Variants in USP13 observed in about 807,000 individuals in gnomAD.
The protein encoded by USP13 is ubiquitin specific peptidase 13.
In USP13, 68 loss-of-function variants were observed where a neutral mutation model predicts 107.8. The ratio of observed to expected loss-of-function variants is 0.63; its 90% confidence interval spans 0.52 to 0.77. USP13 has a LOEUF of 0.77. Among genes scored for constraint, USP13 ranks in the 30% least tolerant of loss-of-function variants. The pLI, the probability that USP13 is intolerant of heterozygous loss-of-function variation, is 0.00. For missense variants in USP13, 945 were observed against 1,093.3 expected (o/e 0.86, Z 1.91); for synonymous variants, 377 against 389.5 (o/e 0.97, Z 0.38).
chr3:179,681,865 C>G lies in USP13; in HGVS notation c.169-13C>G. On this transcript the variant is annotated splice_polypyrimidine_tract_variant and intron_variant, in intron 1 of 20. Transcript: ENST00000263966. Reference sequence around the variant, plus strand: ...GGTGTCGTCGGCTAATGTACTTTTTCTCTTTCTTCTAGAATTCTGAAGGTG... The same window carrying G: ...GGTGTCGTCGGCTAATGTACTTTTTGTCTTTCTTCTAGAATTCTGAAGGTG... 1 of 1,608,134 alleles carries G rather than the reference C, an allele frequency of 6.2e-7. No individual in the cohort carries two copies. Among genetic ancestry groups the G allele is most frequent in the Non-Finnish European group, 8.5e-7 (1 of 1,176,772 alleles).
chr3:179,707,607 C>A (rs1712770672), intron 5 of USP13, among the ~76,000 whole-genome samples: 1 of 152,312 alleles, frequency 6.6e-6, no homozygotes, highest in East Asian at 1.9e-4. Flanking sequence ...CCTGGGATCA[C>A]CTCCCGGACA....
intron 1 of USP13, among the ~76,000 whole-genome samples, chr3:179,655,016 G>C (rs1436422550): frequency 6.6e-6 from 1 of 151,902 alleles, no homozygotes; most frequent in Non-Finnish European, 1.5e-5. Flanking sequence ...TAAATTATTT[G>C]AAAATGCCAT....
At chr3:179,739,596 C>T (rs13080151) in intron 10 of USP13, among the ~76,000 whole-genome samples, 53,116 of 151,928 alleles carry the variant, frequency 0.35, 11,302 homozygotes, top group Non-Finnish European at 0.46. Context: ...TTGCTCTTGT[C>T]GCCCAGGCTG....
intron 8 of USP13, among the ~76,000 whole-genome samples, chr3:179,727,841 A>G (rs1576957065): frequency 3.4e-5 from 3 of 87,480 alleles, no homozygotes; most frequent in African/African-American, 1.2e-4. Context: ...CTGGCCGGGC[A>G]GAGGGGCTCC....
intron 1 of USP13, among the ~76,000 whole-genome samples, chr3:179,655,562 G>T (rs116449971): frequency 0.57 from 70,112 of 122,118 alleles, 19,076 homozygotes; most frequent in Middle Eastern, 0.66. Flanking sequence ...TTTTTGTTTT[G>T]TTTTGTTTTT....
chr3:179,734,377 A>G (rs895733448), intron 10 of USP13, among the ~76,000 whole-genome samples: 2 of 152,240 alleles, frequency 1.3e-5, no homozygotes, highest in African/African-American at 4.8e-5. Context: ...CAAATGTTTT[A>G]AAGCTGAACA....
intron 4 of USP13, among the ~76,000 whole-genome samples, chr3:179,706,457 G>A (rs1560055859): frequency 6.6e-6 from 1 of 152,214 alleles, no homozygotes; most frequent in Non-Finnish European, 1.5e-5. Context: ...ACCAGATTAA[G>A]AAATGGAGCC....
In USP13 at chr3:179,697,129, T is replaced by C. The variant is rs541059786; in HGVS notation, c.356-3879T>C. On this transcript the variant is annotated intron_variant, in intron 3 of 20. Coordinates refer to ENST00000263966, the MANE Select transcript of USP13 (RefSeq NM_003940.3). ...ACCTCAGAAAACTTAAATTCCACTT[T>C]TTTTTGGCTTAGACCAGGTGTTTAA... Among the ~76,000 whole-genome samples, 50 of 152,286 alleles carry C rather than the reference T, an allele frequency of 3.3e-4. 1 individual carries two copies. Among genetic ancestry groups the C allele is most frequent in the East Asian group, 2.3e-3 (12 of 5,186 alleles).
At chr3:179,732,603 A>G (rs1419540712) in intron 10 of USP13, among the ~76,000 whole-genome samples, 1 of 152,148 alleles carries the variant, frequency 6.6e-6, no homozygotes, top group Non-Finnish European at 1.5e-5. Context: ...TTTCTAATGT[A>G]AATAAAATCA....
At chr3:179,744,987 T>C in intron 12 of USP13, 56 bp from the exon 13 acceptor site, 1 of 1,600,534 alleles carries the variant, frequency 6.2e-7, no homozygotes, top group East Asian at 2.2e-5. Flanking sequence ...GAGGGTGCTT[T>C]TCATTTCCAC....
intron 15 of USP13, 80 bp from the exon 16 acceptor site, chr3:179,756,972 C>G (rs775541109): frequency 1.1e-5 from 16 of 1,517,826 alleles, no homozygotes; most frequent in Non-Finnish European, 1.5e-5. Flanking sequence ...TGGAAATGCC[C>G]TGGATCAATG....
rs1222229834 is a variant in USP13, at chr3:179,761,123, G to A, written c.1960G>A (p.Asp654Asn). ...GTTGTGCTCTGTAGCATCAGACATC[G>A]ATGAGTCATCAGTGATGCAGCTGGC... The part of the protein sequence containing the change: ...MNQLIDPSDI[D>N]ESSVMQLAEM... The change falls in exon 17 of 21, where the codon GAT becomes AAT. Residue 654 changes from aspartate (D) to asparagine (N), a missense_variant. Asp to Asn is a conservative substitution (Grantham distance 23). Coordinates refer to ENST00000263966, the MANE Select transcript of USP13 (RefSeq NM_003940.3). The A allele has an allele frequency of 1.9e-5, 30 of 1,614,134 alleles. No homozygotes were observed. Among genetic ancestry groups the A allele is most frequent in the East Asian group, 1.8e-4 (8 of 44,878 alleles).
At chr3:179,728,379 C>G (rs1180842675) in intron 8 of USP13, among the ~76,000 whole-genome samples, 14 of 142,460 alleles carry the variant, frequency 9.8e-5, no homozygotes, top group African/African-American at 3.4e-4. Context: ...ACATCTCAGA[C>G]GATGGGCGGC....
chr3:179,783,498 T>C (rs1348617466), intron 20 of USP13, among the ~76,000 whole-genome samples: 2 of 152,254 alleles, frequency 1.3e-5, no homozygotes, highest in Non-Finnish European at 2.9e-5. Flanking sequence ...AATAGTTCTA[T>C]AATAGTTCAC....
rs1712502892 is a variant in USP13, at chr3:179,701,129, GGTC to G, written c.477+1_477+3del. The G allele has an allele frequency of 6.5e-7, 1 of 1,547,650 alleles. No individual in the cohort carries two copies. Among genetic ancestry groups the G allele is most frequent in the Non-Finnish European group, 8.8e-7 (1 of 1,137,644 alleles). On this transcript the variant is annotated splice_donor_variant and splice_donor_region_variant and intron_variant, in intron 4 of 20. Transcript: ENST00000263966. LOFTEE classifies it high-confidence loss of function. ...CAAATATTGAGGAGTTACCAGCCCT[GGTC>G]AGTGAGTGTGCACGGCTGCTAGCTA...
chr3:179,761,370 C>T, intron 17 of USP13, 115 bp downstream of exon 17: 2 of 1,339,884 alleles, frequency 1.5e-6, no homozygotes, highest in South Asian at 1.5e-5. Flanking sequence ...CTTTATAGTT[C>T]CTAATCTCCT....
chr3:179,747,857 G>A (rs1048437904), intron 13 of USP13, among the ~76,000 whole-genome samples: 43 of 152,116 alleles, frequency 2.8e-4, no homozygotes, highest in Admixed American at 2.8e-3. Context: ...CCTGGAGGAG[G>A]GGTTTCTGCT....
chr3:179,674,175 G>A (rs915724253), intron 1 of USP13, among the ~76,000 whole-genome samples: 2 of 152,178 alleles, frequency 1.3e-5, no homozygotes, highest in Non-Finnish European at 2.9e-5. Flanking sequence ...TTACAGGTGT[G>A]AGCCACTGCG....
chr3:179,736,067 G>A (rs775935410), intron 10 of USP13, among the ~76,000 whole-genome samples: 2 of 152,130 alleles, frequency 1.3e-5, no homozygotes, highest in Non-Finnish European at 2.9e-5. Context: ...AGTGTTAAAA[G>A]CACAGCAGCA....
Sources: allele counts gnomAD v4.1 joint callset (sites outside exome capture counted in the v4.1 genomes callset), GRCh38; gene constraint gnomAD v4.1.1; transcripts MANE v1.5; gene names NCBI Gene and HGNC (gene_info 2026-07-23, HGNC 2026-07-21).